CNTNAP2: variants seen among roughly 807,000 people sequenced by gnomAD.
CNTNAP2 encodes contactin associated protein 2.
A neutral mutation model predicts 155.2 loss-of-function variants in CNTNAP2; 98 were observed. The observed-to-expected ratio is 0.63, with a 90% confidence interval of 0.54 to 0.75. The LOEUF is 0.75. Among genes scored for constraint, CNTNAP2 ranks in the 30% least tolerant of loss-of-function variants. The pLI is 0.00. For missense variants in CNTNAP2, 1,727 were observed against 1,688.1 expected (o/e 1.02, Z -0.40); for synonymous variants, 651 against 631.2 (o/e 1.03, Z -0.47).
At chr7:146,985,890 A>C (rs1276627344) in intron 3 of CNTNAP2, among the ~76,000 whole-genome samples, 1 of 152,138 alleles carries the variant, frequency 6.6e-6, no homozygotes, top group Non-Finnish European at 1.5e-5. Context: ...TTTCCAAGAC[A>C]CTTAAACATT....
rs150154875 is a variant in CNTNAP2, at chr7:148,199,836, A to G, written c.3011-17452A>G. Among the ~76,000 whole-genome samples the G allele has an allele frequency of 3.4e-3, 518 of 152,324 alleles. 1 individual carries two copies. Among genetic ancestry groups the G allele is most frequent in the Non-Finnish European group, 5.4e-3 (368 of 68,022 alleles). ...GTTATTATAGAGGCCAAGAAGTCCCATCATATCCCATCTGCAAGCTGGAGA... is the reference window on the plus strand; with the variant it reads ...GTTATTATAGAGGCCAAGAAGTCCCGTCATATCCCATCTGCAAGCTGGAGA... On this transcript the variant is annotated intron_variant, in intron 18 of 23. Coordinates refer to ENST00000361727, the MANE Select transcript of CNTNAP2 (RefSeq NM_014141.6).
At chr7:147,013,275 G>T (rs1360536552) in intron 3 of CNTNAP2, among the ~76,000 whole-genome samples, 1 of 152,072 alleles carries the variant, frequency 6.6e-6, no homozygotes, top group Non-Finnish European at 1.5e-5. Flanking sequence ...ATGGTTTGCA[G>T]TTGTGGTGTA....
At chr7:148,413,057 T>C (rs1236857171) in intron 23 of CNTNAP2, among the ~76,000 whole-genome samples, 1 of 152,122 alleles carries the variant, frequency 6.6e-6, no homozygotes, top group Non-Finnish European at 1.5e-5. Context: ...ACATGATCTT[T>C]TTTACATATT....
intron 3 of CNTNAP2, among the ~76,000 whole-genome samples, chr7:146,856,238 C>T (rs1272033099): frequency 6.7e-6 from 1 of 148,400 alleles, no homozygotes; most frequent in Non-Finnish European, 1.5e-5. Context: ...GGTAGGTAGA[C>T]AGACAGATAG....
intron 4 of CNTNAP2, among the ~76,000 whole-genome samples, chr7:147,050,944 C>T (rs1378844924): frequency 1.3e-5 from 2 of 152,000 alleles, no homozygotes; most frequent in African/African-American, 4.8e-5. Context: ...TCAATCTCTC[C>T]TTTGGGTTCA....
intron 13 of CNTNAP2, among the ~76,000 whole-genome samples, chr7:147,650,087 T>C (rs1795427254): frequency 6.6e-6 from 1 of 152,178 alleles, no homozygotes; most frequent in South Asian, 2.1e-4. Flanking sequence ...TTTTTTCCAG[T>C]TCATATATTT....
intron 11 of CNTNAP2, among the ~76,000 whole-genome samples, chr7:147,510,580 A>G (rs1348732919): frequency 6.6e-6 from 1 of 151,954 alleles, no homozygotes; most frequent in African/African-American, 2.4e-5. Context: ...TCCAAAAAAA[A>G]AAAATTCCCA....
rs376484843 is a variant in CNTNAP2, at chr7:146,826,836, G to GTATATA, written c.209-12858_209-12853dup. ...AATTTTTAAGAATGAATGAATATAT[G>GTATATA]TATATATATATATATATATATAGAG... On this transcript the variant is annotated intron_variant, in intron 2 of 23. Transcript: ENST00000361727. Among the ~76,000 whole-genome samples, 151 of 144,142 alleles carry GTATATA rather than the reference G, an allele frequency of 1.0e-3. 1 individual carries two copies. Among genetic ancestry groups the GTATATA allele is most frequent in the African/African-American group, 3.7e-3 (142 of 37,874 alleles). The allele number at this position is 144,142 out of a possible 152,430, so 94.6% of individuals were successfully genotyped here. A position where few individuals can be genotyped will look rare whatever the true frequency, so the allele number is the denominator to read the frequency against.
intron 3 of CNTNAP2, among the ~76,000 whole-genome samples, chr7:146,950,527 G>A (rs944437207): frequency 6.6e-6 from 1 of 152,054 alleles, no homozygotes; most frequent in East Asian, 1.9e-4. Context: ...TACCACTTAT[G>A]AGTGAGAATA....
intron 2 of CNTNAP2, among the ~76,000 whole-genome samples, chr7:146,831,276 T>C (rs1368066670): frequency 6.6e-6 from 1 of 152,120 alleles, no homozygotes; most frequent in Non-Finnish European, 1.5e-5. Context: ...TTTTTGACTA[T>C]CTTTCTTTTT....
chr7:147,666,378 CCCA>C (rs1299893336), intron 13 of CNTNAP2, among the ~76,000 whole-genome samples: 1 of 152,130 alleles, frequency 6.6e-6, no homozygotes, highest in East Asian at 1.9e-4. Flanking sequence ...GTAGCTGTAG[CCCA>C]CCACATTACT....
intron 15 of CNTNAP2, among the ~76,000 whole-genome samples, chr7:148,098,234 A>G (rs1346256904): frequency 1.3e-5 from 2 of 151,840 alleles, no homozygotes; most frequent in East Asian, 1.9e-4. Context: ...TCATGAGGTC[A>G]GGAGATCGAG....
At chr7:146,171,571 CA>C (rs1798390986) in intron 1 of CNTNAP2, among the ~76,000 whole-genome samples, 2 of 152,032 alleles carry the variant, frequency 1.3e-5, no homozygotes, top group African/African-American at 4.8e-5. Context: ...AAGCTATGAG[CA>C]AGTGTTTTAT....
At chr7:148,353,333 G>A (rs1024597072) in intron 21 of CNTNAP2, among the ~76,000 whole-genome samples, 1 of 152,166 alleles carries the variant, frequency 6.6e-6, no homozygotes, top group African/African-American at 2.4e-5. Flanking sequence ...GGTTCATACT[G>A]GATTATGCAA....
chr7:147,547,779 C>T (rs2116758332), intron 11 of CNTNAP2, among the ~76,000 whole-genome samples: 1 of 152,080 alleles, frequency 6.6e-6, no homozygotes, highest in South Asian at 2.1e-4. Context: ...CCCCAACAGG[C>T]CCTGGTGTGT....
intron 2 of CNTNAP2, among the ~76,000 whole-genome samples, chr7:146,791,231 G>A (rs1254111971): frequency 6.6e-6 from 1 of 152,068 alleles, no homozygotes; most frequent in Admixed American, 6.5e-5. Flanking sequence ...GAGAATGGCG[G>A]TTTCCAGCTT....
chr7:148,138,070 G>T (rs1163178227), intron 16 of CNTNAP2, among the ~76,000 whole-genome samples: 1 of 152,092 alleles, frequency 6.6e-6, no homozygotes, highest in Non-Finnish European at 1.5e-5. Context: ...ACAACCTATC[G>T]GCAGAGTCAC....
At chr7:147,858,512 T>C (rs1392520325) in intron 13 of CNTNAP2, among the ~76,000 whole-genome samples, 1 of 152,224 alleles carries the variant, frequency 6.6e-6, no homozygotes, top group East Asian at 1.9e-4. Context: ...GTTTAATAAG[T>C]TCCTGGTATG....
chr7:147,008,829 G>A lies in CNTNAP2; in HGVS notation c.403-35078G>A, dbSNP rs543679098. The stretch of plus-strand genomic sequence containing the variant: ...CTTTTTCTCTGTACCTTGTTGTCTC[G>A]GGTGATAAAGTGGTTATTCTTTTTC... On this transcript the variant is annotated intron_variant, in intron 3 of 23. Transcript: ENST00000361727. Among the ~76,000 whole-genome samples, 6 of 152,058 alleles carry A rather than the reference G, an allele frequency of 3.9e-5. No individual in the cohort carries two copies. The East Asian group carries it at 5.8e-4, about 15-fold the overall frequency.
Sources: allele counts gnomAD v4.1 joint callset (sites outside exome capture counted in the v4.1 genomes callset), GRCh38; gene constraint gnomAD v4.1.1; transcripts MANE v1.5; gene names NCBI Gene and HGNC (gene_info 2026-07-23, HGNC 2026-07-21).